Variants in ZBTB8OS observed in about 807,000 individuals in gnomAD.
ZBTB8OS encodes tRNA-splicing ligase-activating factor archease.
ZBTB8OS carries 16 observed loss-of-function variants against 29.3 expected under a neutral mutation model. The observed-to-expected ratio is 0.55, with a 90% CI of 0.37 to 0.83. The LOEUF (loss-of-function observed/expected upper bound fraction) is 0.83, where lower values mean the gene tolerates loss of function less well. Ranked by LOEUF, ZBTB8OS falls within the 40% of genes least tolerant of loss-of-function variation. The pLI is 0.00. For missense variants in ZBTB8OS, 160 were observed against 196.9 expected (o/e 0.81, Z 1.12); for synonymous variants, 70 against 64.6 (o/e 1.08, Z -0.40).
Position 32,621,966 on chromosome 1 carries a change from GAAAAAA to G in ZBTB8OS, c.418-24_418-19del. On this transcript the variant is annotated intron_variant, in intron 6 of 6. Transcript: ENST00000468695. The stretch of plus-strand genomic sequence containing the variant: ...TCTGTTCCCTAAAGTTGGGGTTAGA[GAAAAAA>G]AAAAAAAAAAGGAAAATAGGATATT... The G allele has an allele frequency of 5.4e-6, 5 of 918,918 alleles. No individual in the cohort carries two copies. The highest frequency in any genetic ancestry group is 1.9e-5 in the South Asian group (1 of 53,004). The allele number at this position is 918,918 out of a possible 1,614,324, so 56.9% of individuals were successfully genotyped here. A position where few individuals can be genotyped will look rare whatever the true frequency, so the allele number is the denominator to read the frequency against.
intron 1 of ZBTB8OS, among the ~76,000 whole-genome samples, chr1:32,644,908 C>A (rs1229630105): frequency 6.6e-6 from 1 of 151,954 alleles, no homozygotes; most frequent in Non-Finnish European, 1.5e-5. Context: ...CAGCCAGACA[C>A]GGTGGCTCAC....
intron 1 of ZBTB8OS, among the ~76,000 whole-genome samples, chr1:32,644,652 CT>C (rs1269814158): frequency 6.7e-6 from 1 of 148,860 alleles, no homozygotes; most frequent in Non-Finnish European, 1.5e-5. Context: ...TCTGGCTCAG[CT>C]TCCCCAGTAG....
chr1:32,622,520 A>G (rs1242095645), intron 6 of ZBTB8OS, among the ~76,000 whole-genome samples: 1 of 152,188 alleles, frequency 6.6e-6, no homozygotes, highest in Non-Finnish European at 1.5e-5. Flanking sequence ...GGACATAAAC[A>G]TTGAGTACAC....
intron 1 of ZBTB8OS, among the ~76,000 whole-genome samples, chr1:32,650,029 G>C (rs1427325128): frequency 6.6e-6 from 1 of 151,998 alleles, no homozygotes; most frequent in African/African-American, 2.4e-5. Context: ...TAATATGATC[G>C]AGGTGAAACA....
intron 5 of ZBTB8OS, among the ~76,000 whole-genome samples, chr1:32,630,841 G>A (rs948303190): frequency 5.3e-5 from 8 of 151,022 alleles, no homozygotes; most frequent in Admixed American, 1.3e-4. Context: ...GTGAAACCCC[G>A]TCTATACTAA....
chr1:32,625,220 CA>C (rs11315615), intron 6 of ZBTB8OS, among the ~76,000 whole-genome samples: 21,903 of 134,330 alleles, frequency 0.16, 3,288 homozygotes, highest in African/African-American at 0.4. Flanking sequence ...GAGACTGTCT[CA>C]AAAAAAAAAA....
chr1:32,621,527 G>A lies in ZBTB8OS; in HGVS notation c.*335C>T. ...AACCTGGATTCAGCCTCAGGCTGCT[G>A]CTGACATCAGTGATCCTCTCTGGGG... On this transcript the variant is annotated 3_prime_UTR_variant, in exon 7 of 7. Transcript: ENST00000468695. 1 of 224,838 alleles carries A rather than the reference G, an allele frequency of 4.4e-6. No homozygotes were observed. The highest frequency in any genetic ancestry group is 8.5e-6 in the Non-Finnish European group (1 of 117,204). The allele number at this position is 224,838 out of a possible 1,614,324, so 13.9% of individuals were successfully genotyped here.
chr1:32,650,315 T>A, intron 1 of ZBTB8OS, 118 bp downstream of exon 1: 1 of 1,355,370 alleles, frequency 7.4e-7, no homozygotes, highest in African/African-American at 1.5e-5. Flanking sequence ...CCGGCACAAA[T>A]GGGATCATGC....
chr1:32,650,667 C>T, upstream of ZBTB8OS: 1 of 1,513,030 alleles, frequency 6.6e-7, no homozygotes, highest in South Asian at 1.2e-5. Flanking sequence ...GGCTGTTGAC[C>T]TACTTTAGTC....
At chr1:32,642,045 G>A (rs1646453217) in intron 1 of ZBTB8OS, among the ~76,000 whole-genome samples, 1 of 152,056 alleles carries the variant, frequency 6.6e-6, no homozygotes, top group Non-Finnish European at 1.5e-5. Flanking sequence ...TAAGGGGTTT[G>A]GGGAGTCATG....
chr1:32,632,472 T>C (rs1223216150), intron 4 of ZBTB8OS: 2 of 152,186 alleles, frequency 1.3e-5, no homozygotes, highest in Non-Finnish European at 2.9e-5. Context: ...TGGAGTGCCA[T>C]GGCATGATCT....
Position 32,631,749 on chromosome 1 carries a change from T to C in ZBTB8OS, c.380+78A>G, listed in dbSNP as rs1440076360. 2.7e-6 allele frequency: 3 copies of C among 1,123,854 alleles called. No homozygotes were observed. The East Asian group carries it at 7.6e-5, about 29-fold the overall frequency. 69.6% of individuals were successfully genotyped at this position (1,123,854 alleles called of 1,614,324 possible). On this transcript the variant is annotated intron_variant, in intron 5 of 6. Transcript: ENST00000468695. ...TGCAAGTGGCCCTCTGATTTATGTT[T>C]CCATCTGTTTCCTTGCTCATTGAAT...
intron 1 of ZBTB8OS, among the ~76,000 whole-genome samples, chr1:32,646,711 CCT>C (rs1235005922): frequency 1.3e-5 from 2 of 151,402 alleles, no homozygotes; most frequent in African/African-American, 4.9e-5. Flanking sequence ...CAAGGCATTC[CCT>C]GAGTATGACT....
intron 1 of ZBTB8OS, among the ~76,000 whole-genome samples, chr1:32,642,197 C>A (rs536743145): frequency 6.6e-6 from 1 of 152,012 alleles, no homozygotes; most frequent in Non-Finnish European, 1.5e-5. Context: ...AAGCATGTTT[C>A]TTTGCCATAT....
intron 1 of ZBTB8OS, among the ~76,000 whole-genome samples, chr1:32,647,041 CAAAAAAAAAAAAAA>C (rs71006347): frequency 0.025 from 971 of 39,394 alleles, 26 homozygotes; most frequent in African/African-American, 0.089. Flanking sequence ...GATACTGTCT[CAAAAAAAAAAAAAA>C]AAAAAAAAAA....
intron 6 of ZBTB8OS, among the ~76,000 whole-genome samples, chr1:32,623,107 T>C (rs1291332250): frequency 6.6e-6 from 1 of 152,148 alleles, no homozygotes; most frequent in African/African-American, 2.4e-5. Flanking sequence ...CTGTGCACCA[T>C]AAAATGTACC....
intron 6 of ZBTB8OS, among the ~76,000 whole-genome samples, chr1:32,623,475 G>A (rs1644885311): frequency 6.6e-6 from 1 of 152,122 alleles, no homozygotes; most frequent in African/African-American, 2.4e-5. Flanking sequence ...GAAAGTAAGA[G>A]CAACTCAGTA....
intron 6 of ZBTB8OS, among the ~76,000 whole-genome samples, chr1:32,622,648 C>A (rs1644834412): frequency 1.3e-5 from 2 of 151,670 alleles, no homozygotes; most frequent in South Asian, 4.2e-4. Flanking sequence ...ATTATCTGTA[C>A]ACTAAACCCC....
intron 6 of ZBTB8OS, among the ~76,000 whole-genome samples, chr1:32,624,211 T>A (rs1644944444): frequency 6.6e-6 from 1 of 152,180 alleles, no homozygotes; most frequent in Non-Finnish European, 1.5e-5. Context: ...GAGAATGGGT[T>A]AATAAACATA....
Sources: gnomAD v4.1 joint callset for allele counts (sites outside exome capture counted in the v4.1 genomes callset) on GRCh38, gnomAD v4.1.1 for gene constraint, MANE v1.5 for transcripts, NCBI Gene and HGNC (gene_info 2026-07-23, HGNC 2026-07-21) for gene names.